The following PRKACB variants were observed in gnomAD, a reference collection of about 807,000 sequenced individuals.
PRKACB encodes the protein protein kinase cAMP-activated catalytic subunit beta.
In PRKACB, 16 loss-of-function variants were observed where a neutral mutation model predicts 51.4. The ratio of observed to expected loss-of-function variants is 0.31; its 90% CI spans 0.21 to 0.47. The LOEUF is 0.47. Among genes scored for constraint, PRKACB ranks in the 20% least tolerant of loss-of-function variants. The pLI is 1.00. For missense variants in PRKACB, 309 were observed against 464.5 expected, an observed-to-expected ratio of 0.67 and a Z score of 3.08; for synonymous variants, 147 against 154.4, an observed-to-expected ratio of 0.95 and a Z score of 0.35.
intron 1 of PRKACB, among the ~76,000 whole-genome samples, chr1:84,156,221 C>T (rs185011438): frequency 7.0e-4 from 107 of 152,030 alleles, no homozygotes; most frequent in African/African-American, 2.5e-3. Flanking sequence ...TTCTTGAACT[C>T]CTGGGGTCAA....
At chr1:84,197,689 G>A in intron 6 of PRKACB, 40 bp from the exon 7 acceptor site, 3 of 1,322,456 alleles carry the variant, frequency 2.3e-6, no homozygotes, top group Non-Finnish European at 3.2e-6. Flanking sequence ...TTTATTGTGA[G>A]GTAATACATT....
intron 3 of PRKACB, among the ~76,000 whole-genome samples, chr1:84,183,478 A>T (rs1202062857): frequency 6.6e-6 from 1 of 151,760 alleles, no homozygotes; most frequent in African/African-American, 2.4e-5. Flanking sequence ...ATTTATTTAG[A>T]TATTATAAAA....
At chr1:84,175,843 C>G (rs747155234) in intron 1 of PRKACB, 1 of 1,432,406 alleles carries the variant, frequency 7.0e-7, no homozygotes, top group Non-Finnish European at 9.3e-7. Flanking sequence ...ATGTGATAGA[C>G]TATTTAAATC....
chr1:84,185,221 T>C, intron 5 of PRKACB, 39 bp downstream of exon 5: 1 of 1,383,620 alleles, frequency 7.2e-7, no homozygotes, highest in South Asian at 1.4e-5. Context: ...CTTTATATGC[T>C]TGTGTTGTTT....
intron 1 of PRKACB, among the ~76,000 whole-genome samples, chr1:84,083,353 G>A (rs187046317): frequency 3.5e-4 from 53 of 152,262 alleles, no homozygotes; most frequent in Non-Finnish European, 1.5e-5. Context: ...TGCAGATTGT[G>A]TACTGTATCA....
intron 1 of PRKACB, among the ~76,000 whole-genome samples, chr1:84,147,138 G>A (rs1398128524): frequency 2.6e-5 from 4 of 151,880 alleles, no homozygotes; most frequent in African/African-American, 9.7e-5. Context: ...GAAGCAAATA[G>A]GTCAATACCA....
chr1:84,208,031 C>A (rs1671597253), intron 8 of PRKACB, among the ~76,000 whole-genome samples: 1 of 152,088 alleles, frequency 6.6e-6, no homozygotes, highest in South Asian at 2.1e-4. Flanking sequence ...CCACGCCCGG[C>A]TAATTTTTGT....
intron 1 of PRKACB, among the ~76,000 whole-genome samples, chr1:84,081,685 C>T (rs1162530403): frequency 1.3e-5 from 2 of 152,100 alleles, no homozygotes; most frequent in Admixed American, 6.5e-5. Flanking sequence ...CAAAAAAACA[C>T]GCTACTTCTT....
intron 1 of PRKACB, among the ~76,000 whole-genome samples, chr1:84,088,887 C>G (rs1429025085): frequency 1.3e-5 from 2 of 152,098 alleles, no homozygotes; most frequent in Non-Finnish European, 2.9e-5. Context: ...ACATAGGTGC[C>G]TGAGATTAAT....
At chr1:84,196,313 C>G (rs1668229660) in intron 5 of PRKACB, among the ~76,000 whole-genome samples, 1 of 152,100 alleles carries the variant, frequency 6.6e-6, no homozygotes, top group Non-Finnish European at 1.5e-5. Flanking sequence ...CAAGATCAGA[C>G]ATAATTAGAA....
At chr1:84,182,450 A>T in intron 3 of PRKACB, 122 bp downstream of exon 3, 1 of 753,832 alleles carries the variant, frequency 1.3e-6, no homozygotes, top group Non-Finnish European at 1.8e-6. Flanking sequence ...TATTAAATTT[A>T]ATTTTTATTG....
chr1:84,195,859 G>A (rs1294274839), intron 5 of PRKACB, among the ~76,000 whole-genome samples: 1 of 150,716 alleles, frequency 6.6e-6, no homozygotes, highest in Admixed American at 6.6e-5. Flanking sequence ...TTTGCAGTGA[G>A]CCAAGATTGT....
chr1:84,117,035 T>C (rs1008954903), intron 1 of PRKACB, among the ~76,000 whole-genome samples: 1 of 149,296 alleles, frequency 6.7e-6, no homozygotes. Context: ...GGATGTTGAG[T>C]TTTTTTTTTC....
chr1:84,205,480 A>G (rs1461671429), intron 8 of PRKACB: 1 of 156,586 alleles, frequency 6.4e-6, no homozygotes, highest in African/African-American at 2.4e-5. Flanking sequence ...TGAACTTTTA[A>G]TGGTTTTAAT....
At chr1:84,198,205 A>C (rs1295971274) in intron 7 of PRKACB, among the ~76,000 whole-genome samples, 3 of 152,144 alleles carry the variant, frequency 2.0e-5, no homozygotes, top group Non-Finnish European at 4.4e-5. Context: ...TCTTTGTTTC[A>C]AATTTACCAG....
At chr1:84,173,812 T>C (rs1043417100) in intron 1 of PRKACB, among the ~76,000 whole-genome samples, 1 of 151,880 alleles carries the variant, frequency 6.6e-6, no homozygotes, top group Non-Finnish European at 1.5e-5. Flanking sequence ...CAGTAACAAA[T>C]TTTTAAACTG....
At chr1:84,156,300 C>T (rs1431895496) in intron 1 of PRKACB, among the ~76,000 whole-genome samples, 1 of 152,030 alleles carries the variant, frequency 6.6e-6, no homozygotes, top group African/African-American at 2.4e-5. Flanking sequence ...AGTGATATCA[C>T]TTTTAGCCAC....
chr1:84,147,651 T>C (rs547650635), intron 1 of PRKACB, among the ~76,000 whole-genome samples: 2 of 151,954 alleles, frequency 1.3e-5, no homozygotes, highest in Non-Finnish European at 2.9e-5. Flanking sequence ...CTAAGCTTAC[T>C]GTGGAAGCTA....
intron 1 of PRKACB, among the ~76,000 whole-genome samples, chr1:84,158,689 G>T (rs186428337): frequency 2.0e-5 from 3 of 151,948 alleles, no homozygotes; most frequent in Admixed American, 2.0e-4. Context: ...CCAATTTATC[G>T]TTTTTTCCTT....
Sources: gnomAD v4.1 joint callset for allele counts (sites outside exome capture counted in the v4.1 genomes callset) on GRCh38, gnomAD v4.1.1 for gene constraint, MANE v1.5 for transcripts, NCBI Gene and HGNC (gene_info 2026-07-23, HGNC 2026-07-21) for gene names.